The following OR8D1 variants were observed in gnomAD, a reference collection of about 807,000 sequenced individuals.
OR8D1 encodes the protein olfactory receptor 8D1.
For synonymous variants in OR8D1, 143 were observed against 147.0 expected (o/e 0.97, Z 0.20); for missense variants, 384 against 366.8 (o/e 1.05, Z -0.38).
chr11:124,313,321 GAA>G (rs1396438265), intron 1 of OR8D1, among the ~76,000 whole-genome samples: 1 of 147,748 alleles, frequency 6.8e-6, no homozygotes, highest in South Asian at 2.1e-4. Flanking sequence ...AAAAGAAAGA[GAA>G]AAAGGAAAGA....
chr11:124,313,611 T>C (rs919194227), intron 1 of OR8D1, 110 bp downstream of exon 1: 2 of 152,182 alleles, frequency 1.3e-5, no homozygotes, highest in African/African-American at 4.8e-5. Flanking sequence ...GTGGGGCAGG[T>C]GCTCCTCAGT....
At chr11:124,311,070 T>C (rs1050918595) in intron 2 of OR8D1, among the ~76,000 whole-genome samples, 1 of 152,198 alleles carries the variant, frequency 6.6e-6, no homozygotes, top group Non-Finnish European at 1.5e-5. Context: ...GAATTTCTGA[T>C]AGCCAATTTG....
At position 124,306,399 on chromosome 11, in the gene OR8D1, A is replaced by G. The variant is rs1015848165; in HGVS notation, c.*3441T>C. On this transcript the variant is annotated 3_prime_UTR_variant, in exon 3 of 3. Transcript: ENST00000641015. ...ACTATATATATATAATGAATATTAT[A>G]TATATAATATTCATATAATATTCAC... 8 of 148,552 alleles carry G rather than the reference A, an allele frequency of 5.4e-5. No homozygotes were observed. Among genetic ancestry groups the G allele is most frequent in the African/African-American group, 2.0e-4 (8 of 40,958 alleles). The allele number at this position is 148,552 out of a possible 1,614,324, so 9.2% of individuals were successfully genotyped here.
In OR8D1 at chr11:124,306,851, T is replaced by C. The variant is rs936244341; in HGVS notation, c.*2989A>G. 3.3e-5 allele frequency: 5 copies of C among 152,068 alleles called. No individual in the cohort carries two copies. The highest frequency in any genetic ancestry group is 1.2e-4 in the African/African-American group (5 of 41,420). The allele number at this position is 152,068 out of a possible 1,614,324, so 9.4% of individuals were successfully genotyped here. Reference sequence around the variant, plus strand: ...CACCTATTACTCTAATACTCCCGCCTCTGTTTCACACCTTTACTCACTTTC... The same window carrying C: ...CACCTATTACTCTAATACTCCCGCCCCTGTTTCACACCTTTACTCACTTTC... On this transcript the variant is annotated 3_prime_UTR_variant, in exon 3 of 3. Transcript: ENST00000641015.
chr11:124,312,756 G>A (rs1862433989), intron 1 of OR8D1, among the ~76,000 whole-genome samples: 1 of 151,736 alleles, frequency 6.6e-6, no homozygotes, highest in Non-Finnish European at 1.5e-5. Flanking sequence ...GACCTCAGGT[G>A]ATCCACCCAC....
chr11:124,311,232 T>TA (rs1230666816), intron 2 of OR8D1, among the ~76,000 whole-genome samples: 1 of 152,136 alleles, frequency 6.6e-6, no homozygotes, highest in Non-Finnish European at 1.5e-5. Context: ...TGAAAGTGTC[T>TA]ATTACTTCCA....
In OR8D1 at chr11:124,310,300, G is replaced by A. The variant is rs375307175; in HGVS notation, c.467C>T (p.Ala156Val). The change falls in exon 3 of 3, where the codon GCC (alanine) becomes GTC (valine). Residue 156 changes from alanine to valine, a missense_variant. Coordinates refer to ENST00000641015, the MANE Select transcript of OR8D1 (RefSeq NM_001002917.2). ...LAAFFLGFLS[A>V]LTHTSAMMKL... ...CATCATGGCACTTGTATGAGTCAAG[G>A]CAGAGAGAAAGCCCAAGAAGAAGGC... is the stretch of plus-strand genomic sequence containing the variant. 1.2e-5 allele frequency: 19 copies of A among 1,613,650 alleles called. No homozygotes were observed. Among genetic ancestry groups the A allele is most frequent in the Non-Finnish European group, 1.5e-5 (18 of 1,179,910 alleles).
At position 124,310,187 on chromosome 11, in the gene OR8D1, GGT is replaced by G. The variant is rs752445337; in HGVS notation, c.578_579del (p.His193ProfsTer3). Reference protein sequence around the residue: ...PLLNLSCSNTHLNELLLFIIA... With the variant: ...PLLNLSCSNTXLNELLLFIIA... The stretch of plus-strand genomic sequence containing the variant: ...ATGATAAAAAGTAGAAGCTCATTGA[GGT>G]GTGTGTTGGAGCAGGAGAGATTGAG... On this transcript the variant is annotated frameshift_variant, in exon 3 of 3. Transcript: ENST00000641015. LOFTEE classifies it low-confidence loss of function (END_TRUNC). The G allele has an allele frequency of 8.7e-6, 14 of 1,613,602 alleles. No individual in the cohort carries two copies. In the East Asian group the frequency reaches 3.1e-4, roughly 36 times the overall value.
intron 1 of OR8D1, among the ~76,000 whole-genome samples, chr11:124,313,209 G>GAAAGA (rs1256672139): frequency 7.3e-6 from 1 of 137,536 alleles, no homozygotes; most frequent in African/African-American, 2.9e-5. Context: ...AAGAAAGAAA[G>GAAAGA]AAAGAAAAGA....
At chr11:124,311,513 C>T (rs1437006267) in intron 2 of OR8D1, 59 bp downstream of exon 2, 3 of 152,300 alleles carry the variant, frequency 2.0e-5, no homozygotes, top group Admixed American at 2.0e-4. Flanking sequence ...TGGCTGGAAT[C>T]CTAGCAGTGA....
chr11:124,312,998 A>T (rs1591410759), intron 1 of OR8D1, among the ~76,000 whole-genome samples: 1 of 150,750 alleles, frequency 6.6e-6, no homozygotes, highest in African/African-American at 2.4e-5. Flanking sequence ...ACATGGTGAA[A>T]CCCTGTCTCT....
rs1404056244 is a variant in OR8D1, at chr11:124,302,855, C to T, written c.*6985G>A. 1 of 152,038 alleles carries T rather than the reference C, an allele frequency of 6.6e-6. No individual in the cohort carries two copies. Among genetic ancestry groups the T allele is most frequent in the Non-Finnish European group, 1.5e-5 (1 of 67,980 alleles). The allele number at this position is 152,038 out of a possible 1,614,324, so 9.4% of individuals were successfully genotyped here. A position where few individuals can be genotyped will look rare whatever the true frequency, so the allele number is the denominator to read the frequency against. On this transcript the variant is annotated 3_prime_UTR_variant, in exon 3 of 3. Transcript: ENST00000641015. ...TATTTAACTTATCTTACTCTCATAA[C>T]GGTTTTATAAGAAAGGAAGAATTGG...
rs751466150 is a variant in OR8D1 at position 124,310,580 on chromosome 11, G to A, written c.187C>T (p.Leu63Phe). The change falls in exon 3 of 3, where the codon CTC (leucine) becomes TTC (phenylalanine). Residue 63 changes from leucine to phenylalanine, a missense_variant. By Grantham distance (22) the Leu-to-Phe change is conservative. Transcript: ENST00000641015. ...AAATCGACGAAGGACAAGCTGCTGA[G>A]GAAATAGTACATGGGGGTGTGAAGT... ...PLLHTPMYYF[L>F]SSLSFVDFCY... is the part of the protein sequence containing the mutation. 1.5e-5 allele frequency: 24 copies of A among 1,613,956 alleles called. No homozygotes were observed. The highest frequency in any genetic ancestry group is 1.8e-5 in the Non-Finnish European group (21 of 1,179,944).
rs1452055938 is a variant in OR8D1, at chr11:124,309,548, A to G, written c.*292T>C. 4 of 177,198 alleles carry G rather than the reference A, an allele frequency of 2.3e-5. No homozygotes were observed. Among genetic ancestry groups the G allele is most frequent in the African/African-American group, 7.1e-5 (3 of 42,402 alleles). The allele number at this position is 177,198 out of a possible 1,614,324, so 11.0% of individuals were successfully genotyped here. On this transcript the variant is annotated 3_prime_UTR_variant, in exon 3 of 3. Transcript: ENST00000641015. ...AGCAAACATGGGATATTAGGAAGAG[A>G]GGACTAACATTGGAGAAAATCTGAA...
At chr11:124,311,244 C>A (rs1862419364) in intron 2 of OR8D1, among the ~76,000 whole-genome samples, 1 of 152,088 alleles carries the variant, frequency 6.6e-6, no homozygotes, top group Non-Finnish European at 1.5e-5. Context: ...TTACTTCCAA[C>A]TGGAGTGATG....
chr11:124,309,554 A>G lies in OR8D1; in HGVS notation c.*286T>C, dbSNP rs10790667. On this transcript the variant is annotated 3_prime_UTR_variant, in exon 3 of 3. Transcript: ENST00000641015. ...CATGGGATATTAGGAAGAGAGGACT[A>G]ACATTGGAGAAAATCTGAATTCTCA... The G allele has an allele frequency of 0.33, 59,724 of 181,366 alleles. 10,580 individuals are homozygous for G. The highest frequency in any genetic ancestry group is 0.42 in the East Asian group (2,987 of 7,102). The allele number at this position is 181,366 out of a possible 1,614,324, so 11.2% of individuals were successfully genotyped here. A position where few individuals can be genotyped will look rare whatever the true frequency, so the allele number is the denominator to read the frequency against.
rs1862352462 is a variant in OR8D1, at chr11:124,304,623, G to GT, written c.*5216dup. 6.6e-6 allele frequency: 1 copy of GT among 151,804 alleles called. No individual in the cohort carries two copies. The allele number at this position is 151,804 out of a possible 1,614,324, so 9.4% of individuals were successfully genotyped here. A position where few individuals can be genotyped will look rare whatever the true frequency, so the allele number is the denominator to read the frequency against. On this transcript the variant is annotated 3_prime_UTR_variant, in exon 3 of 3. Transcript: ENST00000641015. ...AATCTTTTAAATTTTAACCCTTCTA[G>GT]TGGGTGTGTAATGGTATCTCTTCAT...
chr11:124,310,963 C>G (rs182619767), intron 2 of OR8D1, 181 bp from the exon 3 acceptor site: 26 of 508,982 alleles, frequency 5.1e-5, no homozygotes, highest in African/African-American at 3.2e-4. Context: ...CCAAGTTGGT[C>G]CAGAATTTAA....
chr11:124,310,073 C>G lies in OR8D1; in HGVS notation c.694G>C (p.Glu232Gln), dbSNP rs1039197256. 2 of 1,613,548 alleles carry G rather than the reference C, an allele frequency of 1.2e-6. No homozygotes were observed. The highest frequency in any genetic ancestry group is 2.2e-5 in the East Asian group (1 of 44,754). Residue 232 changes from glutamate to glutamine, a missense_variant, in exon 3 of 3, where the codon GAG becomes CAG. Physicochemically the swap from Glu to Gln is conservative, Grantham distance 29. Transcript: ENST00000641015. Reference sequence around the variant, plus strand: ...GTTCCAAAAGCTTTGGACCGGCCCTCTGAGGAGCGGATGTGAAGGATGCTG... The same window carrying G: ...GTTCCAAAAGCTTTGGACCGGCCCTGTGAGGAGCGGATGTGAAGGATGCTG... ...LYSILHIRSS[E>Q]GRSKAFGTCS... is the part of the protein sequence containing the mutation.
Sources: gnomAD v4.1 joint callset for allele counts (sites outside exome capture counted in the v4.1 genomes callset) on GRCh38, gnomAD v4.1.1 for gene constraint, MANE v1.5 for transcripts, NCBI Gene and HGNC (gene_info 2026-07-23, HGNC 2026-07-21) for gene names.